Variants in ADCY9 observed in about 807,000 individuals in gnomAD.
ADCY9 encodes the protein adenylate cyclase 9.
In ADCY9, 50 loss-of-function variants were observed where a neutral mutation model predicts 101.5. That is an observed-to-expected ratio of 0.49 (90% CI 0.39 to 0.62). ADCY9 has a LOEUF of 0.62. ADCY9 is among the 20% of genes least tolerant of loss of function. ADCY9 has a pLI of 0.00. For missense variants in ADCY9, 1,662 were observed against 1,800.4 expected (o/e 0.92, Z 1.39); for synonymous variants, 905 against 769.3 (o/e 1.18, Z -2.92).
chr16:4,035,593 G>A (rs1214946832), intron 2 of ADCY9, among the ~76,000 whole-genome samples: 1 of 152,104 alleles, frequency 6.6e-6, no homozygotes, highest in African/African-American at 2.4e-5. Flanking sequence ...AGGAAAGATG[G>A]GAACACAGAG....
At chr16:4,039,603 T>C (rs1465651542) in intron 2 of ADCY9, among the ~76,000 whole-genome samples, 1 of 141,722 alleles carries the variant, frequency 7.1e-6, no homozygotes, top group African/African-American at 2.7e-5. Context: ...CACTTGAACC[T>C]GGGAGGCAGA....
intron 2 of ADCY9, among the ~76,000 whole-genome samples, chr16:4,097,340 C>G (rs957938045): frequency 6.6e-6 from 1 of 151,202 alleles, no homozygotes; most frequent in Non-Finnish European, 1.5e-5. Flanking sequence ...TTTAATGAAC[C>G]ACTCAGTCAT....
chr16:4,043,907 G>C (rs2056644514), intron 2 of ADCY9, among the ~76,000 whole-genome samples: 1 of 151,884 alleles, frequency 6.6e-6, no homozygotes, highest in Admixed American at 6.6e-5. Flanking sequence ...ACCTTGAGTG[G>C]GGCACTTAAG....
At chr16:4,104,893 C>A (rs555608106) in intron 2 of ADCY9, among the ~76,000 whole-genome samples, 2 of 151,830 alleles carry the variant, frequency 1.3e-5, no homozygotes, top group South Asian at 4.2e-4. Context: ...CATGCTGAAA[C>A]CCTGTTTCTA....
At chr16:3,978,879 C>T (rs1185844410) in intron 8 of ADCY9, among the ~76,000 whole-genome samples, 2 of 152,044 alleles carry the variant, frequency 1.3e-5, no homozygotes, top group African/African-American at 4.8e-5. Flanking sequence ...GCCACCATGA[C>T]CAGCTAATTG....
rs2056248883 is a variant in ADCY9 at position 3,992,065 on chromosome 16, A to G, written c.2207+81T>C. 2.9e-6 allele frequency: 4 copies of G among 1,388,552 alleles called. No homozygotes were observed. The highest frequency in any genetic ancestry group is 1.4e-5 in the African/African-American group (1 of 69,910). 86.0% of individuals were successfully genotyped at this position (1,388,552 alleles called of 1,614,324 possible). ...CAGCCTGGATGACAGAGCGAGACTCAGTCTTAAAGAAAAGAAAAGAAAAAG... is the reference window on the plus strand; with the variant it reads ...CAGCCTGGATGACAGAGCGAGACTCGGTCTTAAAGAAAAGAAAAGAAAAAG... On this transcript the variant is annotated intron_variant, in intron 5 of 10. Coordinates refer to ENST00000294016, the MANE Select transcript of ADCY9 (RefSeq NM_001116.4). The surrounding 1 kb of genome is among the most constrained non-coding windows in gnomAD (Gnocchi z 4.2).
rs2057132384 is a variant in ADCY9, at chr16:4,114,206, G to T, written c.1237C>A (p.His413Asn). 6.2e-7 allele frequency: 1 copy of T among 1,613,832 alleles called. No individual in the cohort carries two copies. Among genetic ancestry groups the T allele is most frequent in the African/African-American group, 1.3e-5 (1 of 74,926 alleles). The change falls in exon 2 of 11, where the codon CAC becomes AAC. Residue 413 changes from histidine (H) to asparagine (N), a missense_variant. His to Asn is a moderately conservative substitution (Grantham distance 68). Transcript: ENST00000294016. This position sits in a 1 kb window ranked among gnomAD's most constrained non-coding sequence, Gnocchi z 4.3. ...FTKMSANKSAHALVGLLNDLF... is the reference protein window; with the variant it reads ...FTKMSANKSANALVGLLNDLF... ...TCGTTCAGGAGACCCACCAGGGCGT[G>T]GGCAGACTTGTTGGCACTCATCTTG...
At chr16:4,105,572 C>G (rs766129251) in intron 2 of ADCY9, among the ~76,000 whole-genome samples, 1 of 150,168 alleles carries the variant, frequency 6.7e-6, no homozygotes, top group Admixed American at 6.7e-5. Context: ...CCCAGCCACA[C>G]GGGAGACTGA....
chr16:4,017,314 C>T (rs1012384205), intron 2 of ADCY9, among the ~76,000 whole-genome samples: 1 of 150,022 alleles, frequency 6.7e-6, no homozygotes, highest in Non-Finnish European at 1.5e-5. Context: ...GTAGAGTGAG[C>T]AGTAGCAGGT....
intron 2 of ADCY9, among the ~76,000 whole-genome samples, chr16:4,008,204 G>GA (rs35824715): frequency 8.5e-4 from 118 of 139,362 alleles, no homozygotes; most frequent in Admixed American, 1.4e-3. Flanking sequence ...CCCGCATATA[G>GA]AAAAAAAAAA....
At chr16:4,072,521 T>C (rs993013869) in intron 2 of ADCY9, among the ~76,000 whole-genome samples, 2 of 152,126 alleles carry the variant, frequency 1.3e-5, no homozygotes, top group African/African-American at 4.8e-5. Flanking sequence ...GGATCCACTG[T>C]CTCTTCTCGC....
At chr16:4,069,166 G>A (rs1006434597) in intron 2 of ADCY9, among the ~76,000 whole-genome samples, 1 of 152,060 alleles carries the variant, frequency 6.6e-6, no homozygotes, top group Non-Finnish European at 1.5e-5. Context: ...GAGGGCCTGC[G>A]TTCCCTTTCC....
intron 2 of ADCY9, among the ~76,000 whole-genome samples, chr16:4,033,882 A>C (rs768008507): frequency 1.3e-5 from 2 of 152,238 alleles, no homozygotes; most frequent in Non-Finnish European, 2.9e-5. Flanking sequence ...TTTGAGGATT[A>C]AATGAGTAAA....
intron 9 of ADCY9, 51 bp downstream of exon 9, chr16:3,977,431 G>A (rs371184915): frequency 1.5e-5 from 23 of 1,531,292 alleles, no homozygotes; most frequent in Admixed American, 1.0e-4. Context: ...ACGCAACCTC[G>A]GGCAAGGTGG....
chr16:3,993,781 G>A (rs1053191302), intron 3 of ADCY9, among the ~76,000 whole-genome samples: 6 of 152,146 alleles, frequency 3.9e-5, no homozygotes, highest in African/African-American at 1.4e-4. Context: ...TGGTCTATTC[G>A]AACAATGGGA....
Position 3,991,091 on chromosome 16 carries a change from C to T in ADCY9, c.2207+1055G>A, listed in dbSNP as rs894872723. The stretch of plus-strand genomic sequence containing the variant: ...TTGGGATTATAGGCGTGAGCCACAG[C>T]GCCTGGCTGAAAATCACCCTTTGAG... On this transcript the variant is annotated intron_variant, in intron 5 of 10. Transcript: ENST00000294016. Among the ~76,000 whole-genome samples, 8 of 152,310 alleles carry T rather than the reference C, an allele frequency of 5.3e-5. No homozygotes were observed. The East Asian group carries it at 1.5e-3, about 29-fold the overall frequency.
chr16:4,089,135 G>GTCTGGAGTGCAGTGGC (rs200762805), intron 2 of ADCY9, among the ~76,000 whole-genome samples: 1 of 151,080 alleles, frequency 6.6e-6, no homozygotes, highest in Non-Finnish European at 1.5e-5. Context: ...CTGTCACCCA[G>GTCTGGAGTGCAGTGGC]GCAATCTCAG....
At chr16:4,020,351 T>G (rs1266094339) in intron 2 of ADCY9, among the ~76,000 whole-genome samples, 1 of 152,200 alleles carries the variant, frequency 6.6e-6, no homozygotes, top group Non-Finnish European at 1.5e-5. Flanking sequence ...AAAGTTCTTT[T>G]TTACCTTTAT....
At chr16:4,109,386 A>G (rs1391215668) in intron 2 of ADCY9, among the ~76,000 whole-genome samples, 1 of 152,112 alleles carries the variant, frequency 6.6e-6, no homozygotes, top group East Asian at 1.9e-4. Flanking sequence ...CAAGAGCAGG[A>G]ATTGTTGTCT....
Sources: gnomAD v4.1 joint callset for allele counts (sites outside exome capture counted in the v4.1 genomes callset) on GRCh38, gnomAD v4.1.1 for gene constraint, Gnocchi (gnomAD v3.1) non-coding constraint, MANE v1.5 for transcripts, NCBI Gene and HGNC (gene_info 2026-07-23, HGNC 2026-07-21) for gene names.